Variants in LEPR observed in about 807,000 individuals in gnomAD.
LEPR encodes leptin receptor.
In LEPR, 56 loss-of-function variants were observed where a neutral mutation model predicts 114.7. The observed-to-expected ratio is 0.49, with a 90% CI of 0.39 to 0.61. The LOEUF is 0.61. Among genes scored for constraint, LEPR ranks in the 20% least tolerant of loss-of-function variants. The pLI, the probability that LEPR is intolerant of heterozygous loss-of-function variation, is 0.00. For missense variants in LEPR, 1,202 were observed against 1,352.9 expected (o/e 0.89, Z 1.75); for synonymous variants, 443 against 461.4 (o/e 0.96, Z 0.51).
chr1:65,546,868 G>T (rs1651779511), intron 2 of LEPR, among the ~76,000 whole-genome samples: 1 of 152,028 alleles, frequency 6.6e-6, no homozygotes, highest in Non-Finnish European at 1.5e-5. Context: ...GGTGAGAGAG[G>T]GCATCCCTGT....
At chr1:65,576,633 C>G (rs1173730127) in intron 5 of LEPR, 1 of 155,494 alleles carries the variant, frequency 6.4e-6, no homozygotes, top group Non-Finnish European at 1.4e-5. Flanking sequence ...ATCCTAACTT[C>G]TTTCTCAATT....
chr1:65,610,347 A>C (rs759257686), intron 14 of LEPR, 51 bp downstream of exon 14: 1 of 1,432,678 alleles, frequency 7.0e-7, no homozygotes, highest in Admixed American at 1.8e-5. Flanking sequence ...TACTCTTAAA[A>C]ATTTACTTCA....
intron 3 of LEPR, among the ~76,000 whole-genome samples, chr1:65,567,985 G>A (rs1653894787): frequency 6.6e-6 from 1 of 152,112 alleles, no homozygotes; most frequent in African/African-American, 2.4e-5. Flanking sequence ...GTTGACTGAT[G>A]TATGTATAGT....
chr1:65,500,274 C>T (rs1323517672), intron 2 of LEPR, among the ~76,000 whole-genome samples: 1 of 152,094 alleles, frequency 6.6e-6, no homozygotes, highest in Non-Finnish European at 1.5e-5. Flanking sequence ...CAGACTAATA[C>T]AGACCCCCCC....
intron 2 of LEPR, among the ~76,000 whole-genome samples, chr1:65,534,762 C>G (rs1570630163): frequency 6.6e-6 from 1 of 152,064 alleles, no homozygotes; most frequent in African/African-American, 2.4e-5. Flanking sequence ...AATGTTTTAT[C>G]TATTTTCACT....
intron 5 of LEPR, chr1:65,577,651 A>C (rs1048120807): frequency 5.2e-6 from 1 of 191,880 alleles, no homozygotes; most frequent in Admixed American, 4.7e-5. Context: ...TTCAGAAGAC[A>C]ATTTCAAGTG....
In LEPR at chr1:65,572,391, T is replaced by A; in HGVS notation, c.436T>A (p.Ser146Thr). The A allele has an allele frequency of 6.3e-7, 1 of 1,596,176 alleles. No individual in the cohort carries two copies. The highest frequency in any genetic ancestry group is 8.6e-7 in the Non-Finnish European group (1 of 1,169,454). The change falls in exon 5 of 20, where the codon TCA (serine) becomes ACA (threonine). Residue 146 changes from serine (S) to threonine (T), a missense_variant. By Grantham distance (58) the Ser-to-Thr change is moderately conservative. Coordinates refer to ENST00000349533, the MANE Select transcript of LEPR (RefSeq NM_002303.6). ...AAAATTATTCATCTGTTATGTGGAG[T>A]CATTATTTAAGAATCTATTCAGGAA... ...DLKLFICYVE[S>T]LFKNLFRNYN... is the part of the protein sequence containing the mutation.
intron 6 of LEPR, among the ~76,000 whole-genome samples, chr1:65,594,436 G>A (rs1351924782): frequency 6.6e-6 from 1 of 152,032 alleles, no homozygotes; most frequent in Admixed American, 6.6e-5. Context: ...TTGTGAGATG[G>A]TGCTGACTGG....
Position 65,547,829 on chromosome 1 carries a change from A to T in LEPR, c.-20-17717A>T, listed in dbSNP as rs78640003. 1.0e-3 allele frequency among the ~76,000 whole-genome samples: 58 copies of T among 56,058 alleles called. 5 individuals carry two copies. The highest frequency in any genetic ancestry group is 2.4e-3 in the African/African-American group (31 of 12,668). 36.8% of individuals were successfully genotyped at this position (56,058 alleles called of 152,430 possible). ...TCCTTCAGTTCTGCTCTGATTTTAC[A>T]TATTTCTTGCCTTCTGCTGGCTTTT... On this transcript the variant is annotated intron_variant, in intron 2 of 19. Coordinates refer to ENST00000349533, the MANE Select transcript of LEPR (RefSeq NM_002303.6).
At chr1:65,453,896 A>G (rs1646826826) in intron 2 of LEPR, among the ~76,000 whole-genome samples, 1 of 151,272 alleles carries the variant, frequency 6.6e-6, no homozygotes, top group Admixed American at 6.6e-5. Flanking sequence ...AAAGTCTCCC[A>G]TTATTATTGT....
At chr1:65,424,894 G>A (rs1433056628) in intron 1 of LEPR, among the ~76,000 whole-genome samples, 1 of 152,170 alleles carries the variant, frequency 6.6e-6, no homozygotes, top group Non-Finnish European at 1.5e-5. Flanking sequence ...CCTCCTGATA[G>A]CATCTCACGG....
chr1:65,524,196 G>A (rs768546350), intron 2 of LEPR, among the ~76,000 whole-genome samples: 13 of 152,150 alleles, frequency 8.5e-5, no homozygotes, highest in East Asian at 1.9e-4. Context: ...ATGTTAGTTC[G>A]TACTGATTAT....
intron 2 of LEPR, among the ~76,000 whole-genome samples, chr1:65,507,271 G>C (rs1296063314): frequency 6.6e-6 from 1 of 151,790 alleles, no homozygotes. Flanking sequence ...GGGTAGTCTC[G>C]AACTGCTGAA....
chr1:65,505,832 A>G (rs921152361), intron 2 of LEPR, among the ~76,000 whole-genome samples: 1 of 149,904 alleles, frequency 6.7e-6, no homozygotes, highest in African/African-American at 2.5e-5. Flanking sequence ...TGAGGGTGTC[A>G]TCTGTTTCCT....
chr1:65,567,779 C>T (rs1653875569), intron 3 of LEPR, among the ~76,000 whole-genome samples: 1 of 152,052 alleles, frequency 6.6e-6, no homozygotes, highest in African/African-American at 2.4e-5. Flanking sequence ...TTTAGGTTCA[C>T]AGCAAAATTG....
intron 2 of LEPR, chr1:65,429,971 G>A: frequency 6.3e-7 from 1 of 1,579,416 alleles, no homozygotes; most frequent in Non-Finnish European, 8.7e-7. Flanking sequence ...TGCCTGTCGG[G>A]AACTGGCATA....
At chr1:65,489,585 GT>G (rs1170117796) in intron 2 of LEPR, among the ~76,000 whole-genome samples, 1 of 152,020 alleles carries the variant, frequency 6.6e-6, no homozygotes, top group African/African-American at 2.4e-5. Flanking sequence ...TCACTTTGTT[GT>G]TTCTCTTGCC....
chr1:65,592,698 G>A lies in LEPR; in HGVS notation c.536G>A (p.Gly179Asp), dbSNP rs151190195. ...LEDSPLVPQK[G>D]SFQMVHCNCS... is the part of the protein sequence containing the mutation. ...GATTCACCTCTGGTTCCCCAAAAAG[G>A]CAGTTTTCAGATGGTTCACTGCAAT... Residue 179 changes from glycine (G) to aspartate (D), a missense_variant, in exon 6 of 20, where the codon GGC becomes GAC. By Grantham distance (94) the Gly-to-Asp change is moderately conservative. Coordinates refer to ENST00000349533, the MANE Select transcript of LEPR (RefSeq NM_002303.6). The A allele has an allele frequency of 5.8e-5, 94 of 1,612,974 alleles. No homozygotes were observed. The highest frequency in any genetic ancestry group is 6.8e-5 in the Non-Finnish European group (80 of 1,179,400).
rs777494694 is a variant in LEPR, at chr1:65,425,288, C to T, written c.-96-15C>T. On this transcript the variant is annotated splice_polypyrimidine_tract_variant and intron_variant, in intron 1 of 19. Transcript: ENST00000349533. ...CTACTGTGGGAACTTTAACTTTTGG[C>T]TTTATTTTTCACAGCTCTCGTGGCA... 4 of 1,611,458 alleles carry T rather than the reference C, an allele frequency of 2.5e-6. No homozygotes were observed. Among genetic ancestry groups the T allele is most frequent in the East Asian group, 2.2e-5 (1 of 44,778 alleles).
Sources: allele counts gnomAD v4.1 joint callset (sites outside exome capture counted in the v4.1 genomes callset), GRCh38; gene constraint gnomAD v4.1.1; transcripts MANE v1.5; gene names NCBI Gene and HGNC (gene_info 2026-07-23, HGNC 2026-07-21).